The following BLM variants were observed in gnomAD, a reference collection of about 807,000 sequenced individuals.
The protein encoded by BLM is BLM RecQ like helicase.
In BLM, 95 loss-of-function variants were observed where a neutral mutation model predicts 135.3. The ratio of observed to expected loss-of-function variants is 0.70; its 90% confidence interval spans 0.59 to 0.83. The LOEUF is 0.83. Among genes scored for constraint, BLM ranks in the 40% least tolerant of loss-of-function variants. The probability of loss-of-function intolerance (pLI) is 0.00; values close to 1 mark genes in which losing one functional copy is unlikely to be tolerated. For synonymous variants in BLM, 520 were observed against 589.2 expected, an observed-to-expected ratio of 0.88 and a Z score of 1.70; for missense variants, 1,518 against 1,663.9, an observed-to-expected ratio of 0.91 and a Z score of 1.53.
At chr15:90,789,380 G>A (rs545286174) in intron 14 of BLM, among the ~76,000 whole-genome samples, 40 of 152,264 alleles carry the variant, frequency 2.6e-4, no homozygotes, top group Non-Finnish European at 4.1e-4. Context: ...GGCTGCAGGC[G>A]GTGCCTCACA....
At chr15:90,792,712 A>G (rs1414956379) in intron 15 of BLM, among the ~76,000 whole-genome samples, 2 of 152,112 alleles carry the variant, frequency 1.3e-5, no homozygotes, top group Non-Finnish European at 2.9e-5. Context: ...ATGTATCATC[A>G]ACTAATTTCA....
intron 17 of BLM, among the ~76,000 whole-genome samples, chr15:90,800,242 A>G (rs926506426): frequency 2.6e-5 from 4 of 152,232 alleles, no homozygotes; most frequent in Non-Finnish European, 5.9e-5. Context: ...TCAGCTTAAT[A>G]TCAGCAATCC....
chr15:90,773,190 G>T (rs538021632), intron 12 of BLM, among the ~76,000 whole-genome samples: 5 of 151,720 alleles, frequency 3.3e-5, no homozygotes, highest in African/African-American at 7.3e-5. Context: ...GAGGCCAAGG[G>T]AGACGGATCA....
At chr15:90,788,695 A>G (rs1345491046) in intron 14 of BLM, among the ~76,000 whole-genome samples, 1 of 152,056 alleles carries the variant, frequency 6.6e-6, no homozygotes, top group Non-Finnish European at 1.5e-5. Flanking sequence ...TGAAAGGGCC[A>G]GGCATGGTGG....
intron 1 of BLM, among the ~76,000 whole-genome samples, chr15:90,745,227 T>C (rs1895468944): frequency 1.3e-5 from 2 of 152,062 alleles, no homozygotes; most frequent in African/African-American, 2.4e-5. Flanking sequence ...TGGCCAAACA[T>C]GAATCAATTT....
chr15:90,754,739 A>G, intron 4 of BLM, 72 bp from the exon 5 acceptor site: 1 of 1,480,634 alleles, frequency 6.8e-7, no homozygotes, highest in Non-Finnish European at 9.3e-7. Flanking sequence ...AAAAATATTA[A>G]GGGTTTCAAA....
At chr15:90,740,234 A>C (rs1596209413) in intron 1 of BLM, among the ~76,000 whole-genome samples, 2 of 152,182 alleles carry the variant, frequency 1.3e-5, no homozygotes, top group Admixed American at 6.5e-5. Flanking sequence ...ATCATCCCCA[A>C]ATCCTCTCAT....
chr15:90,776,251 A>G (rs1208068160), intron 12 of BLM, among the ~76,000 whole-genome samples: 1 of 152,184 alleles, frequency 6.6e-6, no homozygotes, highest in Non-Finnish European at 1.5e-5. Context: ...GTAAGCAAAG[A>G]ATTGGAAACT....
chr15:90,800,545 T>A (rs1447771734), intron 17 of BLM, among the ~76,000 whole-genome samples: 1 of 152,100 alleles, frequency 6.6e-6, no homozygotes, highest in Non-Finnish European at 1.5e-5. Flanking sequence ...CTGGGCGTGG[T>A]GGCACACACC....
intron 16 of BLM, among the ~76,000 whole-genome samples, chr15:90,794,874 T>G (rs1896994210): frequency 6.6e-6 from 1 of 150,744 alleles, no homozygotes; most frequent in Non-Finnish European, 1.5e-5. Flanking sequence ...ATCAATTACA[T>G]TACTCTTTTT....
At chr15:90,745,323 A>T (rs1895471198) in intron 1 of BLM, among the ~76,000 whole-genome samples, 1 of 152,202 alleles carries the variant, frequency 6.6e-6, no homozygotes, top group African/African-American at 2.4e-5. Flanking sequence ...CTGAAAAAAA[A>T]TTCATCACTA....
rs780514723 is a variant in BLM, at chr15:90,769,484, G to A, written c.2453G>A (p.Arg818His). ...RQDYKRMNMLRQKFPSVPVMA... is the reference protein window; with the variant it reads ...RQDYKRMNMLHQKFPSVPVMA... Reference sequence around the variant, plus strand: ...GATTACAAAAGAATGAATATGCTTCGCCAGAAGTTTCCTTCTGTTCCGGTG... The same window carrying A: ...GATTACAAAAGAATGAATATGCTTCACCAGAAGTTTCCTTCTGTTCCGGTG... Residue 818 changes from arginine (R) to histidine (H), a missense_variant, in exon 12 of 22, where the codon CGC becomes CAC. Coordinates refer to ENST00000355112, the MANE Select transcript of BLM (RefSeq NM_000057.4). The A allele has an allele frequency of 4.3e-6, 7 of 1,613,968 alleles. No homozygotes were observed. The highest frequency in any genetic ancestry group is 1.1e-5 in the South Asian group (1 of 91,062).
intron 5 of BLM, among the ~76,000 whole-genome samples, chr15:90,759,571 G>A (rs1209987340): frequency 1.3e-5 from 2 of 151,116 alleles, no homozygotes; most frequent in African/African-American, 4.9e-5. Context: ...TTTAACCTGG[G>A]CAACAGAGCC....
chr15:90,787,537 A>G (rs1448198923), intron 14 of BLM, among the ~76,000 whole-genome samples: 3 of 152,200 alleles, frequency 2.0e-5, no homozygotes, highest in African/African-American at 7.2e-5. Flanking sequence ...CTCTGGGAAA[A>G]CAGAAAATTT....
At chr15:90,775,140 A>G (rs1329141868) in intron 12 of BLM, among the ~76,000 whole-genome samples, 1 of 152,202 alleles carries the variant, frequency 6.6e-6, no homozygotes, top group African/African-American at 2.4e-5. Flanking sequence ...GCTGGTGGAA[A>G]CAGCAGAAGT....
At chr15:90,753,761 C>T (rs192933299) in intron 4 of BLM, among the ~76,000 whole-genome samples, 1 of 152,264 alleles carries the variant, frequency 6.6e-6, no homozygotes, top group African/African-American at 2.4e-5. Context: ...ACCTGTTTTT[C>T]AAACTCCTCT....
chr15:90,724,969 T>C (rs1284978419), intron 1 of BLM, among the ~76,000 whole-genome samples: 1 of 151,880 alleles, frequency 6.6e-6, no homozygotes, highest in African/African-American at 2.4e-5. Flanking sequence ...AGTGCAGTGG[T>C]ATGATCTTGG....
chr15:90,724,244 C>T (rs1894848640), intron 1 of BLM, among the ~76,000 whole-genome samples: 1 of 152,084 alleles, frequency 6.6e-6, no homozygotes, highest in Non-Finnish European at 1.5e-5. Flanking sequence ...AACTCCTGGG[C>T]TCAAGCGATA....
At chr15:90,745,791 A>G (rs769387915) in intron 1 of BLM, among the ~76,000 whole-genome samples, 1 of 152,148 alleles carries the variant, frequency 6.6e-6, no homozygotes, top group African/African-American at 2.4e-5. Flanking sequence ...TAAAAGTCTT[A>G]CAGCTGGCTA....
Sources: allele counts gnomAD v4.1 joint callset (sites outside exome capture counted in the v4.1 genomes callset), GRCh38; gene constraint gnomAD v4.1.1; transcripts MANE v1.5; gene names NCBI Gene and HGNC (gene_info 2026-07-23, HGNC 2026-07-21).